The following GALNTL6 variants were observed in gnomAD, a reference collection of about 807,000 sequenced individuals.
The protein encoded by GALNTL6 is polypeptide N-acetylgalactosaminyltransferase like 6, also known as polypeptide N-acetylgalactosaminyltransferase-like 6.
In GALNTL6, 46 loss-of-function variants were observed where a neutral mutation model predicts 73.7. The ratio of observed to expected loss-of-function variants is 0.62; its 90% CI spans 0.49 to 0.80. GALNTL6 has a LOEUF of 0.80. Among genes scored for constraint, GALNTL6 ranks in the 30% least tolerant of loss-of-function variants. The pLI is 0.00. For synonymous variants in GALNTL6, 259 were observed against 263.7 expected, an observed-to-expected ratio of 0.98 and a Z score of 0.17; for missense variants, 604 against 755.0, an observed-to-expected ratio of 0.80 and a Z score of 2.34.
intron 5 of GALNTL6, among the ~76,000 whole-genome samples, 183 bp downstream of exon 5, chr4:172,348,872 A>G (rs1382201159): frequency 6.6e-6 from 1 of 152,222 alleles, no homozygotes; most frequent in Non-Finnish European, 1.5e-5. Context: ...ATGAGAAGCT[A>G]TAGGTTTCAT....
chr4:172,589,384 G>C (rs1036848808), intron 5 of GALNTL6, among the ~76,000 whole-genome samples: 9 of 152,152 alleles, frequency 5.9e-5, no homozygotes, highest in African/African-American at 2.2e-4. Flanking sequence ...TTTTGAACTT[G>C]AGAATCTTTT....
At chr4:171,944,817 A>G (rs1738655930) in intron 2 of GALNTL6, among the ~76,000 whole-genome samples, 1 of 152,036 alleles carries the variant, frequency 6.6e-6, no homozygotes, top group Admixed American at 6.6e-5. Context: ...GATACTTAAA[A>G]AAAAAATCTC....
At chr4:172,518,918 C>T (rs1734690974) in intron 5 of GALNTL6, among the ~76,000 whole-genome samples, 1 of 151,670 alleles carries the variant, frequency 6.6e-6, no homozygotes, top group Non-Finnish European at 1.5e-5. Context: ...AACTATTTTC[C>T]TATCTGCAAA....
chr4:172,623,952 ATCCAGTATAAATTACT>A (rs1221465407), intron 5 of GALNTL6, among the ~76,000 whole-genome samples: 1 of 152,166 alleles, frequency 6.6e-6, no homozygotes, highest in Non-Finnish European at 1.5e-5. Flanking sequence ...ACTTTAATTC[ATCCAGTATAAATTACT>A]TCCATTTAGA....
At chr4:172,561,098 A>G (rs1439538920) in intron 5 of GALNTL6, among the ~76,000 whole-genome samples, 1 of 151,006 alleles carries the variant, frequency 6.6e-6, no homozygotes, top group Non-Finnish European at 1.5e-5. Flanking sequence ...CTAAAAATAC[A>G]AAAAATTAGC....
chr4:172,353,237 T>C (rs1262551134), intron 5 of GALNTL6, among the ~76,000 whole-genome samples: 2 of 152,108 alleles, frequency 1.3e-5, no homozygotes, highest in Non-Finnish European at 2.9e-5. Flanking sequence ...ACCTGGAAGA[T>C]GGAGGTTGCA....
At chr4:172,880,177 A>G (rs1321187416) in intron 7 of GALNTL6, among the ~76,000 whole-genome samples, 1 of 152,042 alleles carries the variant, frequency 6.6e-6, no homozygotes, top group Non-Finnish European at 1.5e-5. Flanking sequence ...AAATAAAAGC[A>G]CACATCCACA....
chr4:172,562,572 G>A (rs1011111150), intron 5 of GALNTL6, among the ~76,000 whole-genome samples: 1 of 152,148 alleles, frequency 6.6e-6, no homozygotes, highest in African/African-American at 2.4e-5. Context: ...ATCTGTCAAG[G>A]CTGCTGAATG....
intron 7 of GALNTL6, among the ~76,000 whole-genome samples, chr4:172,864,843 C>T (rs896385293): frequency 1.4e-4 from 21 of 151,922 alleles, no homozygotes; most frequent in African/African-American, 5.1e-4. Context: ...GTATATATGC[C>T]TCTTATTAAA....
chr4:172,654,918 AG>A (rs1356349334), intron 5 of GALNTL6, among the ~76,000 whole-genome samples: 1 of 152,188 alleles, frequency 6.6e-6, no homozygotes, highest in African/African-American at 2.4e-5. Context: ...ACGTTCTAGT[AG>A]ATATCATAAC....
intron 9 of GALNTL6, among the ~76,000 whole-genome samples, chr4:172,932,158 C>A (rs1748374980): frequency 6.6e-6 from 1 of 152,134 alleles, no homozygotes; most frequent in South Asian, 2.1e-4. Flanking sequence ...ACATAACAAG[C>A]TTTTGTAAAA....
At chr4:172,949,333 G>C (rs1355806618) in intron 9 of GALNTL6, among the ~76,000 whole-genome samples, 1 of 152,120 alleles carries the variant, frequency 6.6e-6, no homozygotes, top group Non-Finnish European at 1.5e-5. Context: ...AGAGTCCTGA[G>C]GGACAGATCT....
chr4:172,498,095 A>C (rs1579130833), intron 5 of GALNTL6, among the ~76,000 whole-genome samples: 1 of 147,780 alleles, frequency 6.8e-6, no homozygotes, highest in Admixed American at 6.9e-5. Context: ...GGTTCCAGCG[A>C]CTCTCCTGCC....
chr4:172,584,567 C>T (rs995705903), intron 5 of GALNTL6, among the ~76,000 whole-genome samples: 2 of 152,040 alleles, frequency 1.3e-5, no homozygotes, highest in African/African-American at 4.8e-5. Context: ...AGAAATTAAA[C>T]GTTGTGATTA....
intron 5 of GALNTL6, among the ~76,000 whole-genome samples, chr4:172,594,311 C>T (rs1022208271): frequency 3.3e-5 from 5 of 152,108 alleles, no homozygotes; most frequent in Non-Finnish European, 7.3e-5. Context: ...TGCCACTGCA[C>T]TCCAGCCTGG....
At chr4:172,487,352 TTCTTTCC>T (rs1246306290) in intron 5 of GALNTL6, among the ~76,000 whole-genome samples, 69 of 127,830 alleles carry the variant, frequency 5.4e-4, no homozygotes, top group African/African-American at 4.5e-4. Flanking sequence ...CTTTCTTTCT[TTCTTTCC>T]TTCTTTCCTT....
chr4:172,670,950 A>T (rs559268556), intron 5 of GALNTL6, among the ~76,000 whole-genome samples: 4 of 152,144 alleles, frequency 2.6e-5, no homozygotes, highest in African/African-American at 9.7e-5. Flanking sequence ...GTTGAAGATC[A>T]TACAAATTTA....
rs571022449 is a variant in GALNTL6 at position 172,741,299 on chromosome 4, C to T, written c.554-68062C>T. Reference sequence around the variant, plus strand: ...GATATTATGAAGCTGCTTAAGAAGCCGGAAGCTGGAACCAATTGCTGTTGG... The same window carrying T: ...GATATTATGAAGCTGCTTAAGAAGCTGGAAGCTGGAACCAATTGCTGTTGG... On this transcript the variant is annotated intron_variant, in intron 5 of 12. Coordinates refer to ENST00000506823, the MANE Select transcript of GALNTL6 (RefSeq NM_001034845.3). Among the ~76,000 whole-genome samples, 34 of 152,106 alleles carry T rather than the reference C, an allele frequency of 2.2e-4. 1 individual carries two copies. In the South Asian group the frequency reaches 5.6e-3, roughly 25 times the overall value.
intron 2 of GALNTL6, among the ~76,000 whole-genome samples, chr4:171,863,345 T>C (rs72983835): frequency 0.014 from 2,152 of 152,312 alleles, 56 homozygotes; most frequent in African/African-American, 0.049. Context: ...TATAACTATA[T>C]GGTTTTCTAT....
Sources: gnomAD v4.1 joint callset for allele counts (sites outside exome capture counted in the v4.1 genomes callset) on GRCh38, gnomAD v4.1.1 for gene constraint, MANE v1.5 for transcripts, NCBI Gene and HGNC (gene_info 2026-07-23, HGNC 2026-07-21) for gene names.